CEP89: variants seen among roughly 807,000 people sequenced by gnomAD.
CEP89 encodes centrosomal protein of 89 kDa.
A neutral mutation model predicts 97.6 loss-of-function variants in CEP89; 95 were observed. The ratio of observed to expected loss-of-function variants is 0.97; its 90% CI spans 0.82 to 1.15. The LOEUF is 1.15. Among genes scored for constraint, CEP89 ranks in the 50% most tolerant of loss-of-function variants. The probability of loss-of-function intolerance (pLI) is 0.00; values close to 1 mark genes in which losing one functional copy is unlikely to be tolerated. For synonymous variants in CEP89, 354 were observed against 349.1 expected (o/e 1.01, Z -0.16); for missense variants, 869 against 947.7 (o/e 0.92, Z 1.09).
intron 14 of CEP89, among the ~76,000 whole-genome samples, chr19:32,905,214 CTT>C (rs1207380422): frequency 2.0e-5 from 3 of 152,094 alleles, no homozygotes; most frequent in Non-Finnish European, 2.9e-5. Context: ...TTGGTGTGAT[CTT>C]TATTGTAGCT....
In CEP89 at chr19:32,878,973, A is replaced by AAAT; in HGVS notation, c.*188_*189insATT. ...TGAGACCCTAGCTCTAAAAAAAAAA[A>AAAT]AAAATTAAAAAATAAAGCAAAATGT... On this transcript the variant is annotated 3_prime_UTR_variant, in exon 19 of 19. Coordinates refer to ENST00000305768, the MANE Select transcript of CEP89 (RefSeq NM_032816.5). The AAAT allele has an allele frequency of 4.3e-6, 2 of 466,640 alleles. No homozygotes were observed. Among genetic ancestry groups the AAAT allele is most frequent in the Non-Finnish European group, 7.5e-6 (2 of 267,556 alleles). 28.9% of individuals were successfully genotyped at this position (466,640 alleles called of 1,614,324 possible).
At position 32,936,839 on chromosome 19, in the gene CEP89, T is replaced by C. The variant is rs925719792; in HGVS notation, c.667+792A>G. Among the ~76,000 whole-genome samples, 14 of 152,076 alleles carry C rather than the reference T, an allele frequency of 9.2e-5. No homozygotes were observed. Among genetic ancestry groups the C allele is most frequent in the African/African-American group, 3.4e-4 (14 of 41,404 alleles). On this transcript the variant is annotated intron_variant, in intron 7 of 18. Coordinates refer to ENST00000305768, the MANE Select transcript of CEP89 (RefSeq NM_032816.5). This position sits in a 1 kb window ranked among gnomAD's most constrained non-coding sequence, Gnocchi z 4.5. ...GAGCTGCAGAGACAGTTGGGTGACC[T>C]GCCTTCAGAGAGGAGCCATCGACTC...
chr19:32,953,665 C>T lies in CEP89; in HGVS notation c.442G>A (p.Asp148Asn). The T allele has an allele frequency of 6.2e-7, 1 of 1,614,042 alleles. No individual in the cohort carries two copies. The highest frequency in any genetic ancestry group is 8.5e-7 in the Non-Finnish European group (1 of 1,179,992). ...KELGDVSAREDRGGHSDDLYA... is the reference protein window; with the variant it reads ...KELGDVSARENRGGHSDDLYA... ...AGGTCATCACTGTGGCCTCCTCTGT[C>T]CTCCCGGGCACTGACATCCCCCAAT... Residue 148 changes from aspartate (D) to asparagine (N), a missense_variant, in exon 4 of 19, where the codon GAC becomes AAC. Transcript: ENST00000305768.
At chr19:32,959,041 C>CA (rs200800379) in intron 3 of CEP89, among the ~76,000 whole-genome samples, 307 of 126,000 alleles carry the variant, frequency 2.4e-3, no homozygotes, top group African/African-American at 8.8e-3. Flanking sequence ...ACAAAACAAA[C>CA]AAAACAAAAA....
At chr19:32,906,249 C>A (rs1442454057) in intron 14 of CEP89, among the ~76,000 whole-genome samples, 1 of 152,086 alleles carries the variant, frequency 6.6e-6, no homozygotes, top group Non-Finnish European at 1.5e-5. Flanking sequence ...GTTTTCTATT[C>A]GCCCCTTGCC....
At chr19:32,884,360 A>G (rs574069540) in intron 17 of CEP89, among the ~76,000 whole-genome samples, 1 of 152,284 alleles carries the variant, frequency 6.6e-6, no homozygotes, top group South Asian at 2.1e-4. Flanking sequence ...CTAGTGTGGA[A>G]TAGCATTTTG....
intron 2 of CEP89, among the ~76,000 whole-genome samples, chr19:32,965,136 C>T (rs11670653): frequency 0.14 from 21,678 of 152,186 alleles, 1,947 homozygotes; most frequent in Non-Finnish European, 0.21. Flanking sequence ...TGATCTTAAA[C>T]TCCTGGGCAC....
chr19:32,885,613 T>C (rs60858882), intron 17 of CEP89, among the ~76,000 whole-genome samples: 49,989 of 152,134 alleles, frequency 0.33, 8,557 homozygotes, highest in African/African-American at 0.37. Context: ...TGAGTCACTG[T>C]GCCTGGCCAT....
rs564618073 is a variant in CEP89 at position 32,921,153 on chromosome 19, T to C, written c.1268+2286A>G. Among the ~76,000 whole-genome samples, 6 of 146,434 alleles carry C rather than the reference T, an allele frequency of 4.1e-5. No individual in the cohort carries two copies. The East Asian group carries it at 1.0e-3, about 25-fold the overall frequency. ...AGGAGAATCACTTGAACCCAGGAGG[T>C]GGAGGTTGCAGTGAGTCGAGATCGC... is the stretch of plus-strand genomic sequence containing the variant. On this transcript the variant is annotated intron_variant, in intron 12 of 18. Transcript: ENST00000305768.
intron 12 of CEP89, among the ~76,000 whole-genome samples, chr19:32,921,491 G>A (rs182448515): frequency 6.3e-4 from 96 of 152,366 alleles, no homozygotes; most frequent in Non-Finnish European, 6.3e-4. Flanking sequence ...TGGAGCAAAG[G>A]GCAGATTTCA....
At chr19:32,962,049 C>CAAAAA (rs60927897) in intron 2 of CEP89, among the ~76,000 whole-genome samples, 1 of 138,354 alleles carries the variant, frequency 7.2e-6, no homozygotes, top group African/African-American at 2.7e-5. Context: ...TTTCCATATG[C>CAAAAA]AAAAAAAAAA....
intron 14 of CEP89, among the ~76,000 whole-genome samples, chr19:32,906,047 G>A (rs773023231): frequency 6.6e-6 from 1 of 152,194 alleles, no homozygotes; most frequent in Non-Finnish European, 1.5e-5. Flanking sequence ...TTGTACTTGA[G>A]TAGTACTGCT....
intron 13 of CEP89, chr19:32,917,682 G>T: frequency 5.1e-6 from 2 of 395,426 alleles, no homozygotes; most frequent in Non-Finnish European, 6.9e-6. Context: ...TTACAGTTGT[G>T]CACTGTCACA....
At position 32,878,996 on chromosome 19, in the gene CEP89, T is replaced by A. The variant is rs1454488386; in HGVS notation, c.*166A>T. 4.3e-6 allele frequency: 2 copies of A among 465,826 alleles called. No homozygotes were observed. Among genetic ancestry groups the A allele is most frequent in the African/African-American group, 4.0e-5 (2 of 49,828 alleles). 28.9% of individuals were successfully genotyped at this position (465,826 alleles called of 1,614,324 possible). A position where few individuals can be genotyped will look rare whatever the true frequency, so the allele number is the denominator to read the frequency against. On this transcript the variant is annotated 3_prime_UTR_variant, in exon 19 of 19. Coordinates refer to ENST00000305768, the MANE Select transcript of CEP89 (RefSeq NM_032816.5). ...AAAAAAATTAAAAAATAAAGCAAAATGTTATCAATGGATTAAACTATGAGA... is the reference window on the plus strand; with the variant it reads ...AAAAAAATTAAAAAATAAAGCAAAAAGTTATCAATGGATTAAACTATGAGA...
intron 2 of CEP89, among the ~76,000 whole-genome samples, chr19:32,964,605 G>A (rs1344997647): frequency 6.6e-6 from 1 of 152,210 alleles, no homozygotes; most frequent in African/African-American, 2.4e-5. Context: ...TAAGGAAAAG[G>A]ATGAATTATT....
At chr19:32,952,736 TCTACAAAAAGCACAAAAAATAG>T (rs1174726059) in intron 4 of CEP89, among the ~76,000 whole-genome samples, 1 of 150,862 alleles carries the variant, frequency 6.6e-6, no homozygotes, top group East Asian at 2.0e-4. Flanking sequence ...AAACCCTGTC[TCTACAAAAAGCACAAAAAATAG>T]CCAGGCATGG....
chr19:32,930,236 C>A (rs536334323), intron 9 of CEP89, among the ~76,000 whole-genome samples: 12 of 152,060 alleles, frequency 7.9e-5, no homozygotes, highest in Non-Finnish European at 1.8e-4. Context: ...CCATGTTGGT[C>A]AGGCTGGTCT....
intron 17 of CEP89, among the ~76,000 whole-genome samples, chr19:32,884,100 G>A (rs1969343880): frequency 6.6e-6 from 1 of 152,090 alleles, no homozygotes; most frequent in South Asian, 2.1e-4. Flanking sequence ...TGATCCTCCT[G>A]CTCAGCCTCC....
intron 12 of CEP89, among the ~76,000 whole-genome samples, chr19:32,923,046 C>T (rs1217350251): frequency 2.6e-5 from 4 of 152,054 alleles, no homozygotes; most frequent in Non-Finnish European, 4.4e-5. Context: ...GGAAGCTGGT[C>T]GTGCAAGCCT....
Sources: gnomAD v4.1 joint callset for allele counts (sites outside exome capture counted in the v4.1 genomes callset) on GRCh38, gnomAD v4.1.1 for gene constraint, Gnocchi (gnomAD v3.1) non-coding constraint, MANE v1.5 for transcripts, NCBI Gene and HGNC (gene_info 2026-07-23, HGNC 2026-07-21) for gene names.